TPO: variants seen among roughly 807,000 people sequenced by gnomAD.
TPO encodes the protein thyroid microsomal antigen.
In TPO, 78 loss-of-function variants were observed where a neutral mutation model predicts 96.9. The observed-to-expected ratio is 0.81, with a 90% CI of 0.67 to 0.97. The LOEUF (loss-of-function observed/expected upper bound fraction) is 0.97. Ranked by LOEUF, TPO falls within the 50% of genes least tolerant of loss-of-function variation. TPO has a pLI of 0.00. For synonymous variants in TPO, 547 were observed against 538.0 expected (o/e 1.02, Z -0.23); for missense variants, 1,252 against 1,274.8 (o/e 0.98, Z 0.27).
At chr2:1,512,465 G>C (rs571047277) in intron 14 of TPO, 7 of 985,344 alleles carry the variant, frequency 7.1e-6, no homozygotes, top group Non-Finnish European at 8.4e-6. Flanking sequence ...CAGGGCAGCT[G>C]TGCGCTCCGC....
At chr2:1,540,773 C>A in intron 16 of TPO, 50 bp downstream of exon 16, 1 of 1,613,120 alleles carries the variant, frequency 6.2e-7, no homozygotes, top group African/African-American at 1.3e-5. Context: ...AGTGGTTGGA[C>A]AGGATCTGGG....
chr2:1,537,197 A>G (rs1209434098), intron 15 of TPO, among the ~76,000 whole-genome samples: 4 of 71,398 alleles, frequency 5.6e-5, no homozygotes, highest in African/African-American at 2.4e-4. Context: ...CAACCTCCCC[A>G]AATCCCCCCA....
chr2:1,523,551 C>G (rs1055008751), intron 15 of TPO, among the ~76,000 whole-genome samples: 1 of 87,196 alleles, frequency 1.1e-5, no homozygotes, highest in African/African-American at 4.1e-5. Context: ...GCAACCTCCC[C>G]AAATCCCCAC....
At chr2:1,461,027 T>G (rs1206179076) in intron 7 of TPO, among the ~76,000 whole-genome samples, 1 of 152,096 alleles carries the variant, frequency 6.6e-6, no homozygotes, top group Non-Finnish European at 1.5e-5. Context: ...TTGGGGTAAT[T>G]TATGTTTGTC....
chr2:1,423,538 TC>T (rs763003589), intron 3 of TPO, among the ~76,000 whole-genome samples: 5 of 152,012 alleles, frequency 3.3e-5, no homozygotes, highest in Admixed American at 6.5e-5. Context: ...AATGGGGCTC[TC>T]CCCCATTTTT....
chr2:1,475,538 C>T (rs1191995563), intron 7 of TPO, among the ~76,000 whole-genome samples: 3 of 152,156 alleles, frequency 2.0e-5, no homozygotes, highest in African/African-American at 7.2e-5. Context: ...ATTCTCCTGC[C>T]TCAGCCTCCC....
chr2:1,472,931 CT>C (rs1056801620), intron 7 of TPO, among the ~76,000 whole-genome samples: 1 of 139,040 alleles, frequency 7.2e-6, no homozygotes, highest in Non-Finnish European at 1.5e-5. Flanking sequence ...CTTTATTTAT[CT>C]TTTTTTGGCA....
chr2:1,420,456 A>AT (rs1663397254), intron 2 of TPO, among the ~76,000 whole-genome samples: 1 of 152,014 alleles, frequency 6.6e-6, no homozygotes, highest in Non-Finnish European at 1.5e-5. Flanking sequence ...GACAGAGCTA[A>AT]TTTTTTTTCT....
chr2:1,503,925 G>T (rs368465989), intron 13 of TPO, 23 bp from the exon 14 acceptor site: 17 of 1,614,050 alleles, frequency 1.1e-5, no homozygotes, highest in Non-Finnish European at 1.4e-5. Flanking sequence ...CCTCTCACGT[G>T]TGTGGCCTTG....
intron 15 of TPO, among the ~76,000 whole-genome samples, chr2:1,522,096 G>A (rs112253235): frequency 2.7e-5 from 4 of 148,796 alleles, no homozygotes; most frequent in African/African-American, 5.0e-5. Flanking sequence ...CCCTGCCACC[G>A]TGCCCTGGCA....
intron 14 of TPO, among the ~76,000 whole-genome samples, chr2:1,504,459 C>G (rs533291534): frequency 6.6e-6 from 1 of 152,210 alleles, no homozygotes; most frequent in Non-Finnish European, 1.5e-5. Flanking sequence ...CAAATGCACC[C>G]GACTGCACCC....
intron 1 of TPO, among the ~76,000 whole-genome samples, chr2:1,404,908 A>C (rs1341613075): frequency 1.3e-5 from 2 of 152,198 alleles, no homozygotes; most frequent in Non-Finnish European, 2.9e-5. Flanking sequence ...GCTGGTTATT[A>C]TCTGTAGTTC....
chr2:1,475,034 C>T (rs117103967), intron 7 of TPO, among the ~76,000 whole-genome samples: 1 of 152,286 alleles, frequency 6.6e-6, no homozygotes, highest in East Asian at 1.9e-4. Context: ...AGATTTTCTT[C>T]TGAGGAAGGC....
At chr2:1,435,929 G>T (rs1258048728) in intron 4 of TPO, among the ~76,000 whole-genome samples, 2 of 152,188 alleles carry the variant, frequency 1.3e-5, no homozygotes, top group African/African-American at 4.8e-5. Context: ...GATGTGCTTA[G>T]TGAGAGTTGA....
At chr2:1,438,549 G>A (rs1437800746) in intron 5 of TPO, among the ~76,000 whole-genome samples, 2 of 152,026 alleles carry the variant, frequency 1.3e-5, no homozygotes, top group East Asian at 2.0e-4. Flanking sequence ...CTCTCCCTAC[G>A]GAGGTCGACC....
chr2:1,439,391 T>C, intron 5 of TPO: 1 of 152,574 alleles, frequency 6.6e-6, no homozygotes, highest in Non-Finnish European at 1.5e-5. Flanking sequence ...AAATAAAACA[T>C]CTGCTCAGAA....
chr2:1,396,584 A>G (rs1251577733), intron 1 of TPO, among the ~76,000 whole-genome samples: 1 of 152,204 alleles, frequency 6.6e-6, no homozygotes, highest in African/African-American at 2.4e-5. Context: ...GGCACCACAT[A>G]AACATGGAGG....
chr2:1,472,341 A>G (rs1347899356), intron 7 of TPO, among the ~76,000 whole-genome samples: 2 of 151,902 alleles, frequency 1.3e-5, no homozygotes, highest in African/African-American at 4.8e-5. Flanking sequence ...CCTTCTGATG[A>G]TCTGAGTGCT....
intron 15 of TPO, among the ~76,000 whole-genome samples, chr2:1,533,151 C>CCGCCCACTGTCTGCAACATCCCCAAATG (rs1678727919): frequency 1.7e-5 from 2 of 114,474 alleles, no homozygotes; most frequent in African/African-American, 4.0e-5. Flanking sequence ...GTCCCCAAAT[C>CCGCCCACTGTCTGCAACATCCCCAAATG]CCCCCACTGT....
Sources: allele counts gnomAD v4.1 joint callset (sites outside exome capture counted in the v4.1 genomes callset), GRCh38; gene constraint gnomAD v4.1.1; transcripts MANE v1.5; gene names NCBI Gene and HGNC (gene_info 2026-07-23, HGNC 2026-07-21).